The following KIAA1217 variants were observed in gnomAD, a reference collection of about 807,000 sequenced individuals.
The protein encoded by KIAA1217 is KIAA1217.
In KIAA1217, 88 loss-of-function variants were observed where a neutral mutation model predicts 163.9. The observed-to-expected ratio is 0.54, with a 90% CI of 0.45 to 0.64. The LOEUF is 0.64. Ranked by LOEUF, KIAA1217 falls within the 30% of genes least tolerant of loss-of-function variation. KIAA1217 has a pLI of 0.00. For synonymous variants in KIAA1217, 903 were observed against 923.1 expected (o/e 0.98, Z 0.39); for missense variants, 2,372 against 2,475.0 (o/e 0.96, Z 0.88).
intron 2 of KIAA1217, among the ~76,000 whole-genome samples, chr10:24,252,946 A>G (rs2074721136): frequency 6.6e-6 from 1 of 151,822 alleles, no homozygotes; most frequent in African/African-American, 2.4e-5. Flanking sequence ...TGAGCCCGGG[A>G]GTTTGAGACC....
chr10:23,942,580 A>G (rs1303895876), intron 1 of KIAA1217, among the ~76,000 whole-genome samples: 1 of 152,186 alleles, frequency 6.6e-6, no homozygotes, highest in Admixed American at 6.5e-5. Flanking sequence ...TAAATTTATG[A>G]AAAACCTAAA....
intron 1 of KIAA1217, among the ~76,000 whole-genome samples, chr10:23,987,423 A>G (rs959475367): frequency 6.7e-6 from 1 of 149,406 alleles, no homozygotes; most frequent in African/African-American, 2.4e-5. Flanking sequence ...TTTTTTAAAA[A>G]AAAACCCATC....
intron 8 of KIAA1217, 103 bp from the exon 9 acceptor site, chr10:24,501,276 A>C: frequency 1.0e-6 from 1 of 1,001,950 alleles, no homozygotes; most frequent in Non-Finnish European, 1.5e-6. Flanking sequence ...TAATGAGAGA[A>C]TTAGGCCTTT....
At chr10:24,379,804 C>A (rs747942913) in intron 2 of KIAA1217, among the ~76,000 whole-genome samples, 28 of 152,182 alleles carry the variant, frequency 1.8e-4, no homozygotes, top group Non-Finnish European at 3.4e-4. Context: ...GGAATCCCAG[C>A]ACTTTGGGAG....
intron 1 of KIAA1217, among the ~76,000 whole-genome samples, chr10:23,704,185 T>TATATATATAA (rs1836719178): frequency 8.9e-6 from 1 of 112,258 alleles, no homozygotes; most frequent in African/African-American, 4.1e-5. Context: ...TATATATATA[T>TATATATATAA]ATATATATAT....
chr10:24,420,762 CTATT>C (rs1185706187), intron 3 of KIAA1217, among the ~76,000 whole-genome samples: 1 of 152,140 alleles, frequency 6.6e-6, no homozygotes, highest in Non-Finnish European at 1.5e-5. Flanking sequence ...TTTCCCGACA[CTATT>C]TATTGAATAG....
At chr10:24,146,738 C>A (rs2064334175) in intron 2 of KIAA1217, among the ~76,000 whole-genome samples, 1 of 152,084 alleles carries the variant, frequency 6.6e-6, no homozygotes, top group South Asian at 2.1e-4. Context: ...TAGGCCCAGC[C>A]TTTGTCTGCT....
intron 2 of KIAA1217, among the ~76,000 whole-genome samples, chr10:24,311,578 G>A (rs2042702055): frequency 6.6e-6 from 1 of 151,796 alleles, no homozygotes; most frequent in Non-Finnish European, 1.5e-5. Context: ...TTTCTTAGCC[G>A]ATAGTTACAG....
chr10:23,918,733 T>TATACACACACAC (rs769797460), intron 1 of KIAA1217, among the ~76,000 whole-genome samples: 4 of 147,478 alleles, frequency 2.7e-5, no homozygotes, highest in African/African-American at 1.0e-4. Context: ...ATTAAATATA[T>TATACACACACAC]ACACACACAC....
chr10:24,007,006 G>T (rs1382087457), intron 1 of KIAA1217, among the ~76,000 whole-genome samples: 1 of 152,070 alleles, frequency 6.6e-6, no homozygotes, highest in Non-Finnish European at 1.5e-5. Context: ...CTAATGTTTT[G>T]GGGAAAATAC....
chr10:23,719,654 C>T (rs1276812285), intron 1 of KIAA1217, among the ~76,000 whole-genome samples: 1 of 150,718 alleles, frequency 6.6e-6, no homozygotes, highest in East Asian at 1.9e-4. Context: ...CTATATATAT[C>T]ACACCTGTAA....
chr10:23,855,717 A>G (rs572653648), intron 1 of KIAA1217, among the ~76,000 whole-genome samples: 6 of 152,098 alleles, frequency 3.9e-5, no homozygotes, highest in Non-Finnish European at 7.4e-5. Flanking sequence ...GTTTCTTTTT[A>G]TTCTTTTTTC....
At chr10:23,885,942 G>A (rs995506225) in intron 1 of KIAA1217, among the ~76,000 whole-genome samples, 3 of 151,848 alleles carry the variant, frequency 2.0e-5, no homozygotes, top group Admixed American at 6.6e-5. Context: ...ATGTTTAGTG[G>A]GTTATTTGTG....
At chr10:23,797,307 T>C (rs985362874) in intron 1 of KIAA1217, among the ~76,000 whole-genome samples, 3 of 152,282 alleles carry the variant, frequency 2.0e-5, no homozygotes, top group East Asian at 3.9e-4. Context: ...AGTAGTTTAC[T>C]ACTCACAACT....
intron 1 of KIAA1217, among the ~76,000 whole-genome samples, chr10:23,948,698 T>C (rs1308932636): frequency 6.6e-6 from 1 of 152,186 alleles, no homozygotes; most frequent in Admixed American, 6.5e-5. Context: ...TTGTTTCTGT[T>C]GTTTACAAAT....
chr10:23,813,572 G>T (rs892733713), intron 1 of KIAA1217, among the ~76,000 whole-genome samples: 1 of 151,594 alleles, frequency 6.6e-6, no homozygotes, highest in African/African-American at 2.4e-5. Flanking sequence ...TTATAAAATG[G>T]CTATAAATCC....
chr10:24,372,065 GA>G (rs2051733882), intron 2 of KIAA1217, among the ~76,000 whole-genome samples: 1 of 152,168 alleles, frequency 6.6e-6, no homozygotes, highest in Admixed American at 6.6e-5. Context: ...GGGGAGGCAG[GA>G]GGAGAGCAAG....
intron 3 of KIAA1217, among the ~76,000 whole-genome samples, chr10:24,425,668 C>T (rs929035117): frequency 1.2e-4 from 18 of 152,174 alleles, no homozygotes; most frequent in Non-Finnish European, 2.5e-4. Context: ...GAGATTCTCC[C>T]TCACCTTATA....
chr10:24,094,466 G>A (rs1727769478), intron 2 of KIAA1217, among the ~76,000 whole-genome samples: 1 of 152,216 alleles, frequency 6.6e-6, no homozygotes, highest in South Asian at 2.1e-4. Context: ...ACCCTCAGCT[G>A]CAGGTCTGTT....
Sources: allele counts gnomAD v4.1 joint callset (sites outside exome capture counted in the v4.1 genomes callset), GRCh38; gene constraint gnomAD v4.1.1; transcripts MANE v1.5; gene names NCBI Gene and HGNC (gene_info 2026-07-23, HGNC 2026-07-21).